Variants in TNIK observed in about 807,000 individuals in gnomAD.
TNIK encodes TRAF2 and NCK interacting kinase.
Under a neutral mutation model 191.3 loss-of-function variants are expected in TNIK, and 49 were observed. That is an observed-to-expected ratio of 0.26 (90% CI 0.20 to 0.32). The LOEUF (loss-of-function observed/expected upper bound fraction) is 0.32. Among genes scored for constraint, TNIK ranks in the 10% least tolerant of loss-of-function variants. The pLI, the probability that TNIK is intolerant of heterozygous loss-of-function variation, is 1.00. For synonymous variants in TNIK, 594 were observed against 600.9 expected (o/e 0.99, Z 0.17); for missense variants, 1,155 against 1,702.3 (o/e 0.68, Z 5.66).
At chr3:171,397,619 G>A (rs538406831) in intron 1 of TNIK, among the ~76,000 whole-genome samples, 5 of 151,986 alleles carry the variant, frequency 3.3e-5, no homozygotes, top group African/African-American at 9.7e-5. Flanking sequence ...ATTGACAATC[G>A]AACTTACAAA....
rs1183265044 is a variant in TNIK at position 171,096,310 on chromosome 3, T to C, written c.2592-2342A>G. On this transcript the variant is annotated intron_variant, in intron 22 of 32. Coordinates refer to ENST00000436636, the MANE Select transcript of TNIK (RefSeq NM_015028.4). ...TCAGTCCTTTCCCCCTCATATCCAC[T>C]CCTCACAGCTGTGAAAGTGAGCCCT... is the stretch of plus-strand genomic sequence containing the variant. 2.6e-5 allele frequency among the ~76,000 whole-genome samples: 4 copies of C among 151,858 alleles called. No individual in the cohort carries two copies. The East Asian group carries it at 7.8e-4, about 29-fold the overall frequency.
At chr3:171,389,451 T>C (rs570415370) in intron 1 of TNIK, among the ~76,000 whole-genome samples, 3 of 152,282 alleles carry the variant, frequency 2.0e-5, no homozygotes, top group African/African-American at 4.8e-5. Context: ...TAAAGATCTA[T>C]GAATAAAAAG....
chr3:171,367,483 G>C (rs75424562), intron 2 of TNIK, among the ~76,000 whole-genome samples: 6 of 150,986 alleles, frequency 4.0e-5, no homozygotes, highest in African/African-American at 7.3e-5. Flanking sequence ...TGGGGGGGGG[G>C]GGAGGGGACA....
chr3:171,171,599 A>C (rs1015774271), intron 9 of TNIK, among the ~76,000 whole-genome samples: 5 of 152,174 alleles, frequency 3.3e-5, no homozygotes, highest in Non-Finnish European at 7.3e-5. Context: ...GGGCTCTTCA[A>C]ATTTAAAGGG....
intron 3 of TNIK, among the ~76,000 whole-genome samples, chr3:171,211,549 C>G (rs1442567108): frequency 1.3e-5 from 2 of 152,184 alleles, no homozygotes; most frequent in Non-Finnish European, 2.9e-5. Context: ...AGAAAATTCA[C>G]TGTAGGCCTC....
Position 171,211,258 on chromosome 3 carries a change from T to C in TNIK, c.181-17A>G, listed in dbSNP as rs762037870. The stretch of plus-strand genomic sequence containing the variant: ...CTCTTCATCCTGTATGAGAACAATA[T>C]AAAAATTCTGTCATGAAAATCTATG... On this transcript the variant is annotated splice_polypyrimidine_tract_variant and intron_variant, in intron 3 of 32. Transcript: ENST00000436636. 3.8e-6 allele frequency: 6 copies of C among 1,578,090 alleles called. No homozygotes were observed. Among genetic ancestry groups the C allele is most frequent in the Non-Finnish European group, 5.2e-6 (6 of 1,160,948 alleles).
rs1223744585 is a variant in TNIK, at chr3:171,074,219, G to A, written c.3449-2896C>T. Among the ~76,000 whole-genome samples the A allele has an allele frequency of 5.9e-5, 9 of 152,076 alleles. No homozygotes were observed. The South Asian group carries it at 1.0e-3, about 18-fold the overall frequency. ...ATGAAATCGTGCCCTTGGCAGCAAC[G>A]TGGATGGAGCTGTAGGCCAATCTCC... On this transcript the variant is annotated intron_variant, in intron 28 of 32. Transcript: ENST00000436636.
intron 1 of TNIK, among the ~76,000 whole-genome samples, chr3:171,384,055 T>C (rs566629286): frequency 7.9e-5 from 12 of 152,202 alleles, no homozygotes; most frequent in Non-Finnish European, 1.2e-4. Context: ...TCTGTGTCCT[T>C]GTTCCCTTTT....
intron 18 of TNIK, among the ~76,000 whole-genome samples, chr3:171,116,878 G>A (rs1224711798): frequency 6.6e-6 from 1 of 152,230 alleles, no homozygotes; most frequent in African/African-American, 2.4e-5. Context: ...TTCACAGCAT[G>A]AGGCATTTAG....
chr3:171,155,515 G>A (rs1733051279), intron 12 of TNIK, among the ~76,000 whole-genome samples: 1 of 152,232 alleles, frequency 6.6e-6, no homozygotes, highest in Non-Finnish European at 1.5e-5. Flanking sequence ...AAAGGCTTGT[G>A]CCCTCATGCA....
intron 23 of TNIK, among the ~76,000 whole-genome samples, chr3:171,089,814 C>T (rs975937095): frequency 2.6e-5 from 4 of 152,262 alleles, no homozygotes; most frequent in Admixed American, 1.3e-4. Flanking sequence ...TTCTGTGTAC[C>T]ACCACATGCC....
intron 29 of TNIK, among the ~76,000 whole-genome samples, chr3:171,070,707 A>T (rs1719080155): frequency 6.6e-6 from 1 of 152,194 alleles, no homozygotes. Flanking sequence ...AAAAATGAAA[A>T]GGCAATCAAA....
intron 1 of TNIK, among the ~76,000 whole-genome samples, chr3:171,427,504 T>C (rs1401032170): frequency 6.6e-6 from 1 of 152,150 alleles, no homozygotes; most frequent in African/African-American, 2.4e-5. Context: ...AAATGGAGTA[T>C]AATGCCCACC....
chr3:171,417,905 C>T (rs746995122), intron 1 of TNIK, among the ~76,000 whole-genome samples: 1 of 152,142 alleles, frequency 6.6e-6, no homozygotes, highest in African/African-American at 2.4e-5. Flanking sequence ...AAACAATATA[C>T]GAAGCATCTT....
chr3:171,118,199 G>A (rs1456602699), intron 18 of TNIK, among the ~76,000 whole-genome samples: 2 of 152,126 alleles, frequency 1.3e-5, no homozygotes, highest in Admixed American at 6.5e-5. Context: ...TTGCTTCAAA[G>A]AGAATAAAAT....
At chr3:171,177,643 T>A (rs1342534286) in intron 7 of TNIK, among the ~76,000 whole-genome samples, 1 of 152,264 alleles carries the variant, frequency 6.6e-6, no homozygotes, top group African/African-American at 2.4e-5. Context: ...CTGAAACTTA[T>A]CTGTGGGTTG....
intron 2 of TNIK, among the ~76,000 whole-genome samples, chr3:171,233,101 T>C (rs551785986): frequency 7.9e-4 from 120 of 152,322 alleles, no homozygotes; most frequent in African/African-American, 2.9e-3. Flanking sequence ...AATTCAGACA[T>C]TCCCCCCACT....
chr3:171,397,263 A>G (rs1720374310), intron 1 of TNIK, among the ~76,000 whole-genome samples: 1 of 152,208 alleles, frequency 6.6e-6, no homozygotes, highest in Non-Finnish European at 1.5e-5. Flanking sequence ...ACAGTCTGCT[A>G]CACTCCCCTT....
intron 2 of TNIK, among the ~76,000 whole-genome samples, chr3:171,253,589 T>TC (rs67388870): frequency 0.13 from 15,266 of 121,326 alleles, 1,000 homozygotes; most frequent in Non-Finnish European, 0.17. Flanking sequence ...AGAAGACAGG[T>TC]CCCCCCCCCA....
Sources: gnomAD v4.1 joint callset for allele counts (sites outside exome capture counted in the v4.1 genomes callset) on GRCh38, gnomAD v4.1.1 for gene constraint, MANE v1.5 for transcripts, NCBI Gene and HGNC (gene_info 2026-07-23, HGNC 2026-07-21) for gene names.